The following PCDHGA5 variants were observed in gnomAD, a reference collection of about 807,000 sequenced individuals.
PCDHGA5 encodes the protein protocadherin gamma subfamily A, 5, also known as protocadherin gamma-A5.
A neutral mutation model predicts 56.7 loss-of-function variants in PCDHGA5; 36 were observed. That is an observed-to-expected ratio of 0.64 (90% CI 0.49 to 0.84). The LOEUF (loss-of-function observed/expected upper bound fraction) is 0.84, where lower values mean the gene tolerates loss of function less well. Ranked by LOEUF, PCDHGA5 falls within the 40% of genes least tolerant of loss-of-function variation. The pLI, the probability that PCDHGA5 is intolerant of heterozygous loss-of-function variation, is 0.00. For synonymous variants in PCDHGA5, 563 were observed against 520.2 expected (o/e 1.08, Z -1.12); for missense variants, 1,305 against 1,201.5 (o/e 1.09, Z -1.27).
At chr5:141,433,853 A>G (rs934981508) in intron 1 of PCDHGA5, among the ~76,000 whole-genome samples, 1 of 152,026 alleles carries the variant, frequency 6.6e-6, no homozygotes, top group Non-Finnish European at 1.5e-5. Flanking sequence ...AAAAAAAAAA[A>G]AACTTTATCC....
intron 1 of PCDHGA5, chr5:141,441,889 GT>G: frequency 2.9e-6 from 1 of 346,022 alleles, no homozygotes; most frequent in South Asian, 2.6e-5. Flanking sequence ...GGTCACCAAG[GT>G]GGTGGCTGTA....
chr5:141,393,932 C>T (rs758815375), intron 1 of PCDHGA5: 1 of 1,613,916 alleles, frequency 6.2e-7, no homozygotes, highest in East Asian at 2.2e-5. Context: ...GTGTGCATGA[C>T]CAAGACTCTG....
At chr5:141,371,513 T>C (rs1470036501) in intron 1 of PCDHGA5, 5 of 1,613,818 alleles carry the variant, frequency 3.1e-6, no homozygotes, top group Non-Finnish European at 4.2e-6. Flanking sequence ...AAACACATGA[T>C]CTAGATTCTG....
intron 1 of PCDHGA5, chr5:141,400,170 G>T (rs779918187): frequency 6.2e-7 from 1 of 1,614,066 alleles, no homozygotes; most frequent in Admixed American, 1.7e-5. Flanking sequence ...CTGACCCCCA[G>T]GCTGAGCTGC....
At chr5:141,408,838 G>A in intron 1 of PCDHGA5, 1 of 1,613,588 alleles carries the variant, frequency 6.2e-7, no homozygotes, top group African/African-American at 1.3e-5. Flanking sequence ...GCTTGATATT[G>A]ACTGCCTTGG....
In PCDHGA5 at chr5:141,364,327, G is replaced by A. The variant is rs1433768344; in HGVS notation, c.-4G>A. The A allele has an allele frequency of 5.9e-6, 9 of 1,529,608 alleles. No individual in the cohort carries two copies. The highest frequency in any genetic ancestry group is 1.3e-5 in the South Asian group (1 of 76,504). The allele number at this position is 1,529,608 out of a possible 1,614,324, so 94.8% of individuals were successfully genotyped here. ...CTAAGAGAAAATTGGGCAGAGAGAA[G>A]GCAATGGCGAGTCCACCTAGGGGCT... On this transcript the variant is annotated 5_prime_UTR_variant, in exon 1 of 4. Transcript: ENST00000518069.
chr5:141,366,651 A>G lies in PCDHGA5; in HGVS notation c.2321A>G (p.Asn774Ser), dbSNP rs767855798. The change falls in exon 1 of 4, where the codon AAC becomes AGC. Residue 774 changes from asparagine to serine, a missense_variant. Asn to Ser is a conservative substitution (Grantham distance 46, BLOSUM62 1). Coordinates refer to ENST00000518069, the MANE Select transcript of PCDHGA5 (RefSeq NM_018918.3). ...RKSHLIFPQP[N>S]YADTLLSEES... ...AGTCACCTGATCTTTCCCCAGCCCA[A>G]CTACGCAGACACGCTCCTTAGTGAA... The G allele has an allele frequency of 3.1e-6, 5 of 1,614,244 alleles. No homozygotes were observed. Among genetic ancestry groups the G allele is most frequent in the East Asian group, 2.2e-5 (1 of 44,884 alleles).
chr5:141,400,593 T>C (rs768255831), intron 1 of PCDHGA5: 1 of 1,602,992 alleles, frequency 6.2e-7, no homozygotes, highest in Admixed American at 1.7e-5. Flanking sequence ...GAAACTATCG[T>C]ACATTTTCAA....
At chr5:141,382,912 C>T in intron 1 of PCDHGA5, 1 of 1,552,240 alleles carries the variant, frequency 6.4e-7, no homozygotes, top group South Asian at 1.2e-5. Context: ...GGCGGCTCAG[C>T]CGAGGGGCGG....
At chr5:141,384,886 G>A in intron 1 of PCDHGA5, 1 of 1,613,822 alleles carries the variant, frequency 6.2e-7, no homozygotes. Context: ...ACTCACCGTG[G>A]CTGTGGCTGA....
At chr5:141,502,231 G>A (rs2099813372) in intron 2 of PCDHGA5, among the ~76,000 whole-genome samples, 1 of 152,172 alleles carries the variant, frequency 6.6e-6, no homozygotes, top group Non-Finnish European at 1.5e-5. Context: ...TGTTCTGTGT[G>A]TTCTTTTATC....
chr5:141,487,041 G>T lies in PCDHGA5; in HGVS notation c.2422-7766G>T, dbSNP rs149314216. Reference sequence around the variant, plus strand: ...GATCCCAGCCTGTTTGCAGTCTCTCGATATGCTGGGGAGGTGCGGACGGCT... The same window carrying T: ...GATCCCAGCCTGTTTGCAGTCTCTCTATATGCTGGGGAGGTGCGGACGGCT... On this transcript the variant is annotated intron_variant, in intron 1 of 3. Transcript: ENST00000518069. This position sits in a 1 kb window ranked among gnomAD's most constrained non-coding sequence, Gnocchi z 5.0. 6.2e-7 allele frequency: 1 copy of T among 1,614,132 alleles called. No homozygotes were observed. The highest frequency in any genetic ancestry group is 8.5e-7 in the Non-Finnish European group (1 of 1,180,030).
intron 1 of PCDHGA5, chr5:141,372,326 C>T (rs760968250): frequency 3.3e-5 from 54 of 1,613,610 alleles, no homozygotes; most frequent in Non-Finnish European, 4.3e-5. Context: ...GCCTGCTGGT[C>T]ACTGTGCGTG....
intron 1 of PCDHGA5, chr5:141,418,230 A>T (rs745395585): frequency 6.2e-7 from 1 of 1,614,058 alleles, no homozygotes; most frequent in Non-Finnish European, 8.5e-7. Context: ...GTGGTGATTG[A>T]GGATGTTAAT....
At chr5:141,481,913 C>CAA (rs34114744) in intron 1 of PCDHGA5, among the ~76,000 whole-genome samples, 26 of 90,736 alleles carry the variant, frequency 2.9e-4, no homozygotes, top group Non-Finnish European at 3.5e-4. Context: ...AACTCCATCT[C>CAA]AAAAAAAAAA....
intron 1 of PCDHGA5, chr5:141,375,635 C>A (rs776372663): frequency 2.4e-5 from 38 of 1,614,094 alleles, no homozygotes; most frequent in Non-Finnish European, 3.1e-5. Flanking sequence ...GTACGCCCTG[C>A]GCTCCTTCGA....
intron 2 of PCDHGA5, among the ~76,000 whole-genome samples, chr5:141,500,428 C>G (rs1224554560): frequency 6.6e-6 from 1 of 151,836 alleles, no homozygotes; most frequent in African/African-American, 2.4e-5. Context: ...CCAGGATGGT[C>G]TCGATCTCCT....
chr5:141,368,344 T>C (rs1052881289), intron 1 of PCDHGA5, among the ~76,000 whole-genome samples: 5 of 152,060 alleles, frequency 3.3e-5, no homozygotes, highest in African/African-American at 7.2e-5. Context: ...TATATACATA[T>C]ACACACACAT....
chr5:141,403,961 G>T (rs763967342), intron 1 of PCDHGA5: 14 of 1,613,774 alleles, frequency 8.7e-6, no homozygotes, highest in Middle Eastern at 1.6e-4. Context: ...GCTCATTTCG[G>T]TGGAAGATGT....
Sources: gnomAD v4.1 joint callset for allele counts (sites outside exome capture counted in the v4.1 genomes callset) on GRCh38, gnomAD v4.1.1 for gene constraint, Gnocchi (gnomAD v3.1) non-coding constraint, MANE v1.5 for transcripts, NCBI Gene and HGNC (gene_info 2026-07-23, HGNC 2026-07-21) for gene names.